LCN15: variants seen among roughly 807,000 people sequenced by gnomAD.
The protein encoded by LCN15 is lipocalin 15.
A neutral mutation model predicts 23.1 loss-of-function variants in LCN15; 26 were observed. The observed-to-expected ratio is 1.13, with a 90% confidence interval of 0.82 to 1.56. LCN15 has a LOEUF of 1.56. Among genes scored for constraint, LCN15 ranks in the 40% most tolerant of loss-of-function variants. The pLI, the probability that LCN15 is intolerant of heterozygous loss-of-function variation, is 0.00. For missense variants in LCN15, 241 were observed against 239.5 expected (o/e 1.01, Z -0.04); for synonymous variants, 107 against 98.3 (o/e 1.09, Z -0.52).
rs1471447946 is a variant in LCN15, at chr9:136,759,739, G to C, written c.*77C>G. 1 of 152,248 alleles carries C rather than the reference G, an allele frequency of 6.6e-6. No individual in the cohort carries two copies. The highest frequency in any genetic ancestry group is 1.5e-5 in the Non-Finnish European group (1 of 68,078). 9.4% of individuals were successfully genotyped at this position (152,248 alleles called of 1,614,324 possible). ...ACTCCAGGTGGTCCCCGAGGGCTGT[G>C]GGTCTTGACTCCAGGGGCAAAGGCG... On this transcript the variant is annotated 3_prime_UTR_variant, in exon 7 of 7. Coordinates refer to ENST00000316144, the MANE Select transcript of LCN15 (RefSeq NM_203347.2).
chr9:136,760,121 C>T (rs1023414127), intron 6 of LCN15, among the ~76,000 whole-genome samples: 4 of 152,228 alleles, frequency 2.6e-5, no homozygotes, highest in Non-Finnish European at 5.9e-5. Flanking sequence ...AGAAAAGCCC[C>T]GGAATGTCCA....
intron 6 of LCN15, among the ~76,000 whole-genome samples, chr9:136,760,538 CCAGACGCCGGTGACTGTCACGT>C (rs1336705941): frequency 6.6e-6 from 1 of 151,750 alleles, no homozygotes; most frequent in Non-Finnish European, 1.5e-5. Context: ...CAGTGTCCCT[CCAGACGCCGGTGACTGTCACGT>C]CAGACACGTG....
intron 6 of LCN15, among the ~76,000 whole-genome samples, chr9:136,760,280 T>C (rs1294861582): frequency 6.6e-6 from 1 of 152,196 alleles, no homozygotes; most frequent in Non-Finnish European, 1.5e-5. Context: ...CGATTTGGTG[T>C]TGCCCCCCAT....
At position 136,762,998 on chromosome 9, in the gene LCN15, C is replaced by T. The variant is rs558442274; in HGVS notation, c.418+359G>A. 6.0e-5 allele frequency among the ~76,000 whole-genome samples: 9 copies of T among 150,738 alleles called. No individual in the cohort carries two copies. The South Asian group carries it at 1.5e-3, about 25-fold the overall frequency. On this transcript the variant is annotated intron_variant, in intron 4 of 6. Transcript: ENST00000316144. ...CGAGGCCAGGCAGGGAAGGGCGGGG[C>T]ACCACTCTCAGGAGGCCAGAGAGGA...
rs530841584 is a variant in LCN15 at position 136,761,896 on chromosome 9, C to A, written c.521-43G>T. On this transcript the variant is annotated intron_variant, in intron 5 of 6. Transcript: ENST00000316144. The surrounding 1 kb of genome is among the most constrained non-coding windows in gnomAD (Gnocchi z 4.2). Reference sequence around the variant, plus strand: ...TCCGTGAGATGCTGACGGCCAGGACCGCCCTCGCTTCCCGCAGCCCCCAAC... The same window carrying A: ...TCCGTGAGATGCTGACGGCCAGGACAGCCCTCGCTTCCCGCAGCCCCCAAC... The A allele has an allele frequency of 3.0e-6, 4 of 1,321,868 alleles. No individual in the cohort carries two copies. The highest frequency in any genetic ancestry group is 3.1e-5 in the East Asian group (1 of 32,698). 81.9% of individuals were successfully genotyped at this position (1,321,868 alleles called of 1,614,324 possible).
At chr9:136,759,809 C>T (rs547551202) in intron 6 of LCN15, 26 bp from the exon 7 acceptor site, 2 of 152,494 alleles carry the variant, frequency 1.3e-5, no homozygotes, top group East Asian at 3.9e-4. Flanking sequence ...ATGCCTACTC[C>T]ATCACCCACT....
chr9:136,760,597 C>T (rs924053180), intron 6 of LCN15, among the ~76,000 whole-genome samples: 6 of 152,228 alleles, frequency 3.9e-5, no homozygotes, highest in African/African-American at 1.2e-4. Flanking sequence ...AGATTCTTGG[C>T]GGTGAGCCCC....
rs1052771311 is a variant in LCN15 at position 136,761,481 on chromosome 9, G to A, written c.*32+306C>T. 2.0e-5 allele frequency among the ~76,000 whole-genome samples: 3 copies of A among 152,130 alleles called. No individual in the cohort carries two copies. The highest frequency in any genetic ancestry group is 2.1e-4 in the South Asian group (1 of 4,830). The stretch of plus-strand genomic sequence containing the variant: ...TCTCCATGTTGGTCAGGCTGGTCTC[G>A]AACTCCCAACCTCAGGTGACCCGCC... On this transcript the variant is annotated intron_variant, in intron 6 of 6. Transcript: ENST00000316144. The surrounding 1 kb of genome is among the most constrained non-coding windows in gnomAD (Gnocchi z 4.2).
Position 136,762,275 on chromosome 9 carries a change from C to T in LCN15, c.433G>A (p.Val145Met). ...AAGGACTTCAGAGCCTGGGGACTCA[C>T]ATCCTGGGTCCGGCCTGGGCAGAGC... ...MVQLYSRTQD[V>M]SPQALKSFQD... is the part of the protein sequence containing the mutation. The change falls in exon 5 of 7, where the codon GTG becomes ATG. Residue 145 changes from valine to methionine, a missense_variant. Transcript: ENST00000316144. 2 of 1,588,588 alleles carry T rather than the reference C, an allele frequency of 1.3e-6. No homozygotes were observed. The highest frequency in any genetic ancestry group is 1.7e-6 in the Non-Finnish European group (2 of 1,166,136).
chr9:136,764,096 A>G, intron 1 of LCN15, 87 bp from the exon 2 acceptor site: 1 of 1,529,682 alleles, frequency 6.5e-7, no homozygotes, highest in Non-Finnish European at 8.9e-7. Flanking sequence ...CTCAGAAGTC[A>G]CACAGCAAGG....
Position 136,762,281 on chromosome 9 carries a change from G to C in LCN15, c.427C>G (p.Gln143Glu). 6.3e-7 allele frequency: 1 copy of C among 1,585,304 alleles called. No individual in the cohort carries two copies. Among genetic ancestry groups the C allele is most frequent in the South Asian group, 1.1e-5 (1 of 87,474 alleles). ...TTCAGAGCCTGGGGACTCACATCCT[G>C]GGTCCGGCCTGGGCAGAGCAGAGGT... Reference protein sequence around the residue: ...STMVQLYSRTQDVSPQALKSF... With the variant: ...STMVQLYSRTEDVSPQALKSF... The change falls in exon 5 of 7, where the codon CAG becomes GAG. Residue 143 changes from glutamine to glutamate, a missense_variant. Coordinates refer to ENST00000316144, the MANE Select transcript of LCN15 (RefSeq NM_203347.2).
chr9:136,763,442 G>T lies in LCN15; in HGVS notation c.333C>A (p.Ile111=). 6.2e-7 allele frequency: 1 copy of T among 1,609,056 alleles called. No individual in the cohort carries two copies. Residue 111 remains isoleucine, a synonymous_variant, in exon 4 of 7, where the codon ATC becomes ATA. Transcript: ENST00000316144. ...CGAAGGAGCTGTAGTCTGTGTCCACGATGCGCACGTCCAGGTAGCCCAAGG... is the reference window on the plus strand; with the variant it reads ...CGAAGGAGCTGTAGTCTGTGTCCACTATGCGCACGTCCAGGTAGCCCAAGG... ...VPALGYLDVR[I]VDTDYSSFAV...
In LCN15 at chr9:136,763,715, G is replaced by A. The variant is rs1031075858; in HGVS notation, c.305C>T (p.Pro102Leu). Reference sequence around the variant, plus strand: ...AAGGCAGAGGAGGCAGGACCTACCCGGGACTCTGAAGTGTCCCTCGGAGCC... The same window carrying A: ...AAGGCAGAGGAGGCAGGACCTACCCAGGACTCTGAAGTGTCCCTCGGAGCC... ...KVGSEGHFRV[P>L]ALGYLDVRIV... Residue 102 changes from proline to leucine, a missense_variant and splice_region_variant, in exon 3 of 7, where the codon CCG (proline) becomes CTG (leucine). Transcript: ENST00000316144. The A allele has an allele frequency of 2.5e-6, 4 of 1,613,100 alleles. No individual in the cohort carries two copies. Among genetic ancestry groups the A allele is most frequent in the Non-Finnish European group, 3.4e-6 (4 of 1,179,890 alleles).
chr9:136,763,674 G>A (rs1351724854), intron 3 of LCN15, 39 bp downstream of exon 3: 2 of 1,602,614 alleles, frequency 1.2e-6, no homozygotes, highest in Non-Finnish European at 8.5e-7. Flanking sequence ...CAGAGAAGCG[G>A]CATCCAGCAC....
rs1847311855 is a variant in LCN15 at position 136,761,082 on chromosome 9, C to T, written c.*32+705G>A. ...GAAGGTGGCTGTGGGAGGACGGAGG[C>T]GGAGACAGGGCTGATGCTTCCACAG... is the stretch of plus-strand genomic sequence containing the variant. On this transcript the variant is annotated intron_variant, in intron 6 of 6. Transcript: ENST00000316144. The surrounding 1 kb of genome is among the most constrained non-coding windows in gnomAD (Gnocchi z 4.2). 6.6e-6 allele frequency among the ~76,000 whole-genome samples: 1 copy of T among 151,996 alleles called. No homozygotes were observed. Among genetic ancestry groups the T allele is most frequent in the Admixed American group, 6.6e-5 (1 of 15,258 alleles).
rs559105743 is a variant in LCN15 at position 136,761,826 on chromosome 9, G to C, written c.548C>G (p.Ala183Gly). 1 of 1,300,284 alleles carries C rather than the reference G, an allele frequency of 7.7e-7. No individual in the cohort carries two copies. The highest frequency in any genetic ancestry group is 9.8e-7 in the Non-Finnish European group (1 of 1,022,128). 80.5% of individuals were successfully genotyped at this position (1,300,284 alleles called of 1,614,324 possible). The change falls in exon 6 of 7, where the codon GCG becomes GGG. Residue 183 changes from alanine (A) to glycine (G), a missense_variant. By Grantham distance (60) the Ala-to-Gly change is moderately conservative. Coordinates refer to ENST00000316144, the MANE Select transcript of LCN15 (RefSeq NM_203347.2). The surrounding 1 kb of genome is among the most constrained non-coding windows in gnomAD (Gnocchi z 4.2). The stretch of plus-strand genomic sequence containing the variant: ...GGTGGGGCTCCGGAGGTGTCAGGGC[G>C]CCTCCTTGCTCTCAGGGTTGCATGC... Reference protein sequence around the residue: ...SDACNPESKEAP With the variant: ...SDACNPESKEGP
chr9:136,763,755 C>T lies in LCN15; in HGVS notation c.265G>A (p.Glu89Lys), dbSNP rs1022508958. 1.9e-6 allele frequency: 3 copies of T among 1,613,484 alleles called. No homozygotes were observed. The highest frequency in any genetic ancestry group is 2.2e-5 in the South Asian group (2 of 91,074). The change falls in exon 3 of 7, where the codon GAG becomes AAG. Residue 89 changes from glutamate (E) to lysine (K), a missense_variant. Physicochemically the swap from Glu to Lys is moderately conservative, Grantham distance 56. Coordinates refer to ENST00000316144, the MANE Select transcript of LCN15 (RefSeq NM_203347.2). The part of the protein sequence containing the change: ...GADGCNQVDA[E>K]YLKVGSEGHF... ...CCCTCGGAGCCCACCTTCAGGTACT[C>T]GGCATCCACCTGGTTACAGCCGTCC...
chr9:136,759,783 C>T lies in LCN15; in HGVS notation c.*33G>A, dbSNP rs1330927287. On this transcript the variant is annotated splice_region_variant and 3_prime_UTR_variant, in exon 7 of 7. Transcript: ENST00000316144. ...AAAGGCGCCTGCTGCTTTGGCTCCACCTGCGTAGAAAACGCATGCCTACTC... is the reference window on the plus strand; with the variant it reads ...AAAGGCGCCTGCTGCTTTGGCTCCATCTGCGTAGAAAACGCATGCCTACTC... The T allele has an allele frequency of 6.6e-6, 1 of 152,260 alleles. No homozygotes were observed. Among genetic ancestry groups the T allele is most frequent in the African/African-American group, 2.4e-5 (1 of 41,444 alleles). 9.4% of individuals were successfully genotyped at this position (152,260 alleles called of 1,614,324 possible).
At chr9:136,764,267 T>C in intron 1 of LCN15, 126 bp downstream of exon 1, 1 of 946,058 alleles carries the variant, frequency 1.1e-6, no homozygotes, top group South Asian at 1.6e-5. Flanking sequence ...GCAGAGTGGG[T>C]CTATAGCACG....
Sources: gnomAD v4.1 joint callset for allele counts (sites outside exome capture counted in the v4.1 genomes callset) on GRCh38, gnomAD v4.1.1 for gene constraint, Gnocchi (gnomAD v3.1) non-coding constraint, MANE v1.5 for transcripts, NCBI Gene and HGNC (gene_info 2026-07-23, HGNC 2026-07-21) for gene names.